The following MARCHF1 variants were observed in gnomAD, a reference collection of about 807,000 sequenced individuals.
MARCHF1 encodes the protein E3 ubiquitin-protein ligase MARCHF1.
Under a neutral mutation model 54.2 loss-of-function variants are expected in MARCHF1, and 40 were observed. The observed-to-expected ratio is 0.74, with a 90% CI of 0.57 to 0.96. The LOEUF (loss-of-function observed/expected upper bound fraction) is 0.96, where lower values mean the gene tolerates loss of function less well. MARCHF1 is among the 40% of genes least tolerant of loss of function. The pLI is 0.00. For missense variants in MARCHF1, 586 were observed against 656.5 expected (o/e 0.89, Z 1.17); for synonymous variants, 236 against 236.3 (o/e 1.00, Z 0.01).
intron 7 of MARCHF1, among the ~76,000 whole-genome samples, chr4:163,587,104 T>G (rs1315168492): frequency 1.3e-5 from 2 of 152,202 alleles, no homozygotes; most frequent in African/African-American, 4.8e-5. Flanking sequence ...TGAATTCTAG[T>G]TTCACAGATT....
chr4:163,948,841 AG>A (rs1752073530), intron 3 of MARCHF1, among the ~76,000 whole-genome samples: 1 of 152,250 alleles, frequency 6.6e-6, no homozygotes, highest in African/African-American at 2.4e-5. Flanking sequence ...AGTGAATAAA[AG>A]CTTTAAAAAG....
chr4:163,780,475 A>AT (rs1271438153), intron 4 of MARCHF1, among the ~76,000 whole-genome samples: 2 of 152,272 alleles, frequency 1.3e-5, no homozygotes, highest in East Asian at 1.9e-4. Flanking sequence ...CATATTTTGG[A>AT]TATTAGATAG....
chr4:164,071,365 GATT>G (rs575472900), intron 2 of MARCHF1, among the ~76,000 whole-genome samples: 1 of 151,898 alleles, frequency 6.6e-6, no homozygotes, highest in African/African-American at 2.4e-5. Context: ...TTTTTGCATG[GATT>G]ATAATAGATT....
At chr4:164,190,254 C>A in intron 1 of MARCHF1, 1 of 1,144,370 alleles carries the variant, frequency 8.7e-7, no homozygotes, top group Non-Finnish European at 1.3e-6. Context: ...AGAAATTGTT[C>A]AGCCACTTAT....
chr4:163,599,297 T>TTATATA (rs150458467), intron 7 of MARCHF1, among the ~76,000 whole-genome samples: 1,658 of 146,732 alleles, frequency 0.011, 38 homozygotes, highest in African/African-American at 0.04. Context: ...CTCAAAAAAA[T>TTATATA]TATATATATA....
At chr4:163,815,419 A>C (rs1748506732) in intron 4 of MARCHF1, among the ~76,000 whole-genome samples, 1 of 152,198 alleles carries the variant, frequency 6.6e-6, no homozygotes, top group African/African-American at 2.4e-5. Context: ...TGAGTAATGC[A>C]CTGTACTGGT....
At chr4:163,655,501 G>C (rs890449588) in intron 5 of MARCHF1, among the ~76,000 whole-genome samples, 11 of 151,786 alleles carry the variant, frequency 7.2e-5, no homozygotes, top group Admixed American at 3.3e-4. Flanking sequence ...GGATCGTCAA[G>C]TCAGAAAATG....
At chr4:163,843,762 C>A (rs771977453) in intron 4 of MARCHF1, among the ~76,000 whole-genome samples, 2 of 151,890 alleles carry the variant, frequency 1.3e-5, no homozygotes, top group South Asian at 2.1e-4. Context: ...CATTGTTCAG[C>A]CCCTACTTAT....
chr4:164,203,870 G>A (rs1024401339), intron 1 of MARCHF1, among the ~76,000 whole-genome samples: 4 of 152,174 alleles, frequency 2.6e-5, no homozygotes, highest in Non-Finnish European at 5.9e-5. Context: ...AAAATGGGAA[G>A]TAACTGGGTT....
chr4:164,073,952 G>T (rs893385036), intron 2 of MARCHF1, among the ~76,000 whole-genome samples: 1 of 151,876 alleles, frequency 6.6e-6, no homozygotes, highest in African/African-American at 2.4e-5. Context: ...TTACAGGCAC[G>T]CACCACCACA....
chr4:163,938,993 C>G (rs1751856285), intron 3 of MARCHF1, among the ~76,000 whole-genome samples: 1 of 152,126 alleles, frequency 6.6e-6, no homozygotes, highest in Non-Finnish European at 1.5e-5. Context: ...CACAGCCAAA[C>G]CACATCAGCA....
chr4:163,873,806 C>G (rs1004892371), intron 3 of MARCHF1, among the ~76,000 whole-genome samples: 7 of 152,174 alleles, frequency 4.6e-5, no homozygotes, highest in Admixed American at 2.6e-4. Context: ...GCCAACTGGT[C>G]CTGTCTTCTT....
chr4:164,101,128 G>C (rs751964348), intron 2 of MARCHF1, among the ~76,000 whole-genome samples: 4 of 152,206 alleles, frequency 2.6e-5, no homozygotes, highest in Non-Finnish European at 4.4e-5. Context: ...ACGGAGTCTT[G>C]CTGATTGCTA....
chr4:163,842,942 G>A (rs1025821857), intron 4 of MARCHF1, among the ~76,000 whole-genome samples: 1 of 151,120 alleles, frequency 6.6e-6, no homozygotes, highest in African/African-American at 2.4e-5. Flanking sequence ...GATGCGTGGT[G>A]TAAGAATGAT....
intron 5 of MARCHF1, among the ~76,000 whole-genome samples, chr4:163,647,097 T>C (rs1742789923): frequency 6.6e-6 from 1 of 151,982 alleles, no homozygotes; most frequent in Non-Finnish European, 1.5e-5. Flanking sequence ...AATGAAGACG[T>C]CAGGGGTAGC....
chr4:164,361,306 CCA>C (rs1383810913), intron 1 of MARCHF1, among the ~76,000 whole-genome samples: 9 of 151,864 alleles, frequency 5.9e-5, no homozygotes, highest in African/African-American at 1.2e-4. Context: ...TTCTTTTTGC[CCA>C]CAGTTATTCG....
chr4:164,256,500 A>G (rs941599145), intron 1 of MARCHF1, among the ~76,000 whole-genome samples: 13 of 151,646 alleles, frequency 8.6e-5, no homozygotes. Flanking sequence ...TGAATTGACT[A>G]ACAAAATAAA....
At chr4:163,693,886 T>C (rs948705439) in intron 5 of MARCHF1, among the ~76,000 whole-genome samples, 4 of 152,210 alleles carry the variant, frequency 2.6e-5, no homozygotes, top group African/African-American at 9.6e-5. Flanking sequence ...CACTGTTGCA[T>C]ATTTTCGTTT....
chr4:163,802,301 T>C (rs904828664), intron 4 of MARCHF1, among the ~76,000 whole-genome samples: 4 of 152,166 alleles, frequency 2.6e-5, no homozygotes, highest in African/African-American at 4.8e-5. Context: ...GGTGGGCCTA[T>C]ATATTTTTTC....
Sources: allele counts gnomAD v4.1 joint callset (sites outside exome capture counted in the v4.1 genomes callset), GRCh38; gene constraint gnomAD v4.1.1; transcripts MANE v1.5; gene names NCBI Gene and HGNC (gene_info 2026-07-23, HGNC 2026-07-21).